The following NCALD variants were observed in gnomAD, a reference collection of about 807,000 sequenced individuals.
NCALD encodes neurocalcin-delta.
In NCALD, 10 loss-of-function variants were observed where a neutral mutation model predicts 18.6. The ratio of observed to expected loss-of-function variants is 0.54; its 90% CI spans 0.33 to 0.91. The LOEUF (loss-of-function observed/expected upper bound fraction) is 0.91. NCALD is among the 40% of genes least tolerant of loss of function. The probability of loss-of-function intolerance (pLI) is 0.03; values close to 1 mark genes in which losing one functional copy is unlikely to be tolerated. For missense variants in NCALD, 184 were observed against 247.6 expected, an observed-to-expected ratio of 0.74 and a Z score of 1.72; for synonymous variants, 88 against 87.4, an observed-to-expected ratio of 1.01 and a Z score of -0.04.
intron 4 of NCALD, among the ~76,000 whole-genome samples, chr8:101,857,809 C>T (rs774350117): frequency 6.6e-6 from 1 of 152,150 alleles, no homozygotes; most frequent in Non-Finnish European, 1.5e-5. Context: ...TTTTGGTTTG[C>T]CCAAGACTTT....
intron 4 of NCALD, among the ~76,000 whole-genome samples, chr8:101,837,535 A>G (rs1814463381): frequency 6.6e-6 from 1 of 152,186 alleles, no homozygotes; most frequent in African/African-American, 2.4e-5. Flanking sequence ...ATTACTTCCC[A>G]TGTTCTCTAC....
intron 3 of NCALD, among the ~76,000 whole-genome samples, chr8:101,889,795 G>A (rs982307910): frequency 1.1e-4 from 16 of 152,186 alleles, no homozygotes; most frequent in African/African-American, 3.1e-4. Flanking sequence ...GCTATTACAA[G>A]ATAACAGGGT....
intron 1 of NCALD, among the ~76,000 whole-genome samples, chr8:101,727,414 C>T (rs1024439633): frequency 3.3e-5 from 5 of 152,168 alleles, no homozygotes; most frequent in South Asian, 2.1e-4. Context: ...TACTCCTTGC[C>T]CCAATCTATT....
chr8:102,054,991 C>T (rs529615913), intron 1 of NCALD, among the ~76,000 whole-genome samples: 37 of 152,086 alleles, frequency 2.4e-4, no homozygotes, highest in African/African-American at 8.4e-4. Flanking sequence ...GGACAGAGGG[C>T]ACTCTCTCAG....
chr8:102,027,802 T>C (rs538077875), intron 1 of NCALD, among the ~76,000 whole-genome samples: 2 of 152,242 alleles, frequency 1.3e-5, no homozygotes, highest in South Asian at 2.1e-4. Flanking sequence ...TTTACAATCA[T>C]GGTAGAAGTG....
In NCALD at chr8:101,689,623, C is replaced by T. The variant is rs1814625055; in HGVS notation, c.485-217G>A. The stretch of plus-strand genomic sequence containing the variant: ...GGCATTGCCAGCACTTAGGACAGTA[C>T]ATGTGGCAATCAAACGCCGCTGCCT... On this transcript the variant is annotated intron_variant, in intron 3 of 3. Transcript: ENST00000220931. This position sits in a 1 kb window ranked among gnomAD's most constrained non-coding sequence, Gnocchi z 4.4. 6.6e-6 allele frequency among the ~76,000 whole-genome samples: 1 copy of T among 152,252 alleles called. No individual in the cohort carries two copies. The highest frequency in any genetic ancestry group is 2.4e-5 in the African/African-American group (1 of 41,468).
At chr8:101,800,360 A>G (rs935662513) in intron 4 of NCALD, among the ~76,000 whole-genome samples, 1 of 136,338 alleles carries the variant, frequency 7.3e-6, no homozygotes, top group Non-Finnish European at 1.7e-5. Flanking sequence ...AGTAGCTACT[A>G]AAAATAAACA....
At chr8:101,726,013 C>A (rs113707861) in intron 1 of NCALD, among the ~76,000 whole-genome samples, 2 of 151,916 alleles carry the variant, frequency 1.3e-5, no homozygotes, top group Non-Finnish European at 2.9e-5. Flanking sequence ...TGAGGCAGGT[C>A]GCCATGGAGA....
intron 4 of NCALD, among the ~76,000 whole-genome samples, chr8:101,858,069 A>G (rs1815390854): frequency 6.6e-6 from 1 of 152,206 alleles, no homozygotes; most frequent in Admixed American, 6.5e-5. Context: ...CCATATATAC[A>G]AACTTCATGT....
intron 2 of NCALD, among the ~76,000 whole-genome samples, chr8:101,950,742 G>C (rs763763771): frequency 1.3e-5 from 2 of 152,192 alleles, no homozygotes; most frequent in Non-Finnish European, 1.5e-5. Context: ...TGTGTAGCCT[G>C]TTGGTCCAAG....
chr8:102,001,609 T>C (rs555597538), intron 2 of NCALD, among the ~76,000 whole-genome samples: 2 of 152,238 alleles, frequency 1.3e-5, no homozygotes, highest in South Asian at 2.1e-4. Context: ...GGAAAAAATG[T>C]TAAGGGCAGC....
intron 3 of NCALD, among the ~76,000 whole-genome samples, chr8:101,909,923 TA>T (rs1297327026): frequency 6.6e-6 from 1 of 152,160 alleles, no homozygotes; most frequent in East Asian, 1.9e-4. Flanking sequence ...TGATGTGATT[TA>T]AGGGAGGCTG....
intron 1 of NCALD, among the ~76,000 whole-genome samples, chr8:102,033,571 T>A (rs771717735): frequency 4.8e-4 from 73 of 152,238 alleles, no homozygotes; most frequent in Non-Finnish European, 5.4e-4. Context: ...ACAAGAATGG[T>A]TCCACTGAAC....
intron 3 of NCALD, among the ~76,000 whole-genome samples, chr8:101,909,272 C>G (rs1265335584): frequency 6.6e-6 from 1 of 152,196 alleles, no homozygotes; most frequent in Non-Finnish European, 1.5e-5. Flanking sequence ...TGTCTTTTGA[C>G]AGGTTCCACT....
intron 4 of NCALD, among the ~76,000 whole-genome samples, chr8:101,815,945 A>G (rs944654826): frequency 6.6e-6 from 1 of 152,164 alleles, no homozygotes; most frequent in Non-Finnish European, 1.5e-5. Context: ...AGACAATACA[A>G]TATTATTTAG....
At chr8:102,006,535 G>A (rs1193486302) in intron 2 of NCALD, among the ~76,000 whole-genome samples, 4 of 152,120 alleles carry the variant, frequency 2.6e-5, no homozygotes, top group Admixed American at 2.0e-4. Flanking sequence ...GAACAGTATG[G>A]TCCATTCCCT....
chr8:101,918,021 A>C (rs1818031338), intron 2 of NCALD, among the ~76,000 whole-genome samples: 1 of 152,094 alleles, frequency 6.6e-6, no homozygotes, highest in Non-Finnish European at 1.5e-5. Context: ...GCAAAGACAC[A>C]ACAACCAAAA....
At chr8:102,075,816 G>A (rs769096111) in intron 1 of NCALD, among the ~76,000 whole-genome samples, 25 of 151,974 alleles carry the variant, frequency 1.6e-4, no homozygotes, top group Non-Finnish European at 2.8e-4. Flanking sequence ...AGCCAAGCAC[G>A]GGGGTGAGCA....
At chr8:102,100,306 A>C (rs1244521295) in intron 1 of NCALD, among the ~76,000 whole-genome samples, 1 of 152,254 alleles carries the variant, frequency 6.6e-6, no homozygotes, top group Admixed American at 6.5e-5. Flanking sequence ...AAGGAGGAAT[A>C]AATCACAAAA....
Sources: allele counts gnomAD v4.1 joint callset (sites outside exome capture counted in the v4.1 genomes callset), GRCh38; gene constraint gnomAD v4.1.1; non-coding constraint Gnocchi (gnomAD v3.1); transcripts MANE v1.5; gene names NCBI Gene and HGNC (gene_info 2026-07-23, HGNC 2026-07-21).